The following NAALADL2 variants were observed in gnomAD, a reference collection of about 807,000 sequenced individuals.
NAALADL2 encodes the protein inactive N-acetylated-alpha-linked acidic dipeptidase-like protein 2.
In NAALADL2, 76 loss-of-function variants were observed where a neutral mutation model predicts 87.2. The observed-to-expected ratio is 0.87, with a 90% CI of 0.72 to 1.05. The LOEUF (loss-of-function observed/expected upper bound fraction) is 1.05. Ranked by LOEUF, NAALADL2 falls within the 50% of genes least tolerant of loss-of-function variation. The pLI is 0.00. For synonymous variants in NAALADL2, 354 were observed against 331.0 expected, an observed-to-expected ratio of 1.07 and a Z score of -0.75; for missense variants, 1,089 against 945.8, an observed-to-expected ratio of 1.15 and a Z score of -1.99.
intron 9 of NAALADL2, among the ~76,000 whole-genome samples, chr3:175,524,324 C>G (rs570772049): frequency 6.6e-6 from 1 of 152,258 alleles, no homozygotes; most frequent in South Asian, 2.1e-4. Flanking sequence ...GGTTTCTAAA[C>G]AGTGACATTA....
intron 9 of NAALADL2, among the ~76,000 whole-genome samples, chr3:175,556,653 C>G (rs1715322820): frequency 6.6e-6 from 1 of 152,110 alleles, no homozygotes; most frequent in Non-Finnish European, 1.5e-5. Context: ...AAAAAAATCT[C>G]AGGAAAGCAG....
intron 1 of NAALADL2, among the ~76,000 whole-genome samples, chr3:175,020,437 T>C (rs987837172): frequency 6.6e-6 from 1 of 152,054 alleles, no homozygotes; most frequent in African/African-American, 2.4e-5. Context: ...AAATGTATCA[T>C]TGTCTAGATT....
At chr3:175,366,790 T>G (rs1306747401) in intron 5 of NAALADL2, among the ~76,000 whole-genome samples, 2 of 151,568 alleles carry the variant, frequency 1.3e-5, no homozygotes, top group Non-Finnish European at 2.9e-5. Context: ...TTGCGAAAAT[T>G]TTCTCCCATT....
At chr3:175,204,587 G>A (rs939223874) in intron 2 of NAALADL2, among the ~76,000 whole-genome samples, 1 of 151,992 alleles carries the variant, frequency 6.6e-6, no homozygotes, top group Non-Finnish European at 1.5e-5. Context: ...AGAACTGGAC[G>A]TCCTAGCAAG....
intron 1 of NAALADL2, among the ~76,000 whole-genome samples, chr3:174,946,531 T>A (rs1378560724): frequency 2.6e-5 from 4 of 152,224 alleles, no homozygotes. Context: ...ACTTTTAAAG[T>A]CACTTAGAAC....
intron 1 of NAALADL2, among the ~76,000 whole-genome samples, chr3:174,873,121 C>G (rs1477883323): frequency 6.6e-6 from 1 of 152,028 alleles, no homozygotes; most frequent in Non-Finnish European, 1.5e-5. Context: ...AATAGTGGCT[C>G]TAGATGTAAT....
intron 2 of NAALADL2, among the ~76,000 whole-genome samples, chr3:175,162,468 A>G (rs1427207403): frequency 6.6e-6 from 1 of 152,148 alleles, no homozygotes; most frequent in African/African-American, 2.4e-5. Flanking sequence ...TGGAGGTATC[A>G]TTTGCCATGT....
At chr3:175,401,444 A>G (rs1770554149) in intron 5 of NAALADL2, among the ~76,000 whole-genome samples, 1 of 152,150 alleles carries the variant, frequency 6.6e-6, no homozygotes. Context: ...ATGTACATAC[A>G]ATCAAGTGTC....
intron 3 of NAALADL2, among the ~76,000 whole-genome samples, chr3:174,796,176 T>G (rs1718060054): frequency 6.6e-6 from 1 of 152,196 alleles, no homozygotes; most frequent in Non-Finnish European, 1.5e-5. Context: ...AGCAGACATC[T>G]GCGAGCCAAA....
At chr3:175,221,766 T>C (rs1743404496) in intron 2 of NAALADL2, among the ~76,000 whole-genome samples, 1 of 151,462 alleles carries the variant, frequency 6.6e-6, no homozygotes, top group African/African-American at 2.4e-5. Flanking sequence ...TGGTTATTTA[T>C]TTATTTATTT....
chr3:175,479,985 A>G (rs1726225690), intron 9 of NAALADL2, among the ~76,000 whole-genome samples: 1 of 151,796 alleles, frequency 6.6e-6, no homozygotes, highest in Admixed American at 6.6e-5. Flanking sequence ...TCAGGTGCTC[A>G]AACACTGCAC....
chr3:174,835,359 A>G (rs754377321), intron 3 of NAALADL2, among the ~76,000 whole-genome samples: 7 of 152,168 alleles, frequency 4.6e-5, no homozygotes, highest in Non-Finnish European at 1.0e-4. Flanking sequence ...TTAACTTGAA[A>G]TGGATCAAGG....
intron 2 of NAALADL2, among the ~76,000 whole-genome samples, chr3:174,689,494 G>C (rs1728362353): frequency 6.6e-6 from 1 of 151,412 alleles, no homozygotes; most frequent in African/African-American, 2.4e-5. Flanking sequence ...GGAATCCCTT[G>C]CCTCTTCAGA....
intron 2 of NAALADL2, among the ~76,000 whole-genome samples, chr3:174,602,880 T>C (rs987916746): frequency 2.6e-5 from 4 of 152,088 alleles, no homozygotes; most frequent in Non-Finnish European, 5.9e-5. Context: ...TCAATTGAAA[T>C]GATCATATGG....
chr3:174,592,668 G>A (rs1453703442), intron 2 of NAALADL2, among the ~76,000 whole-genome samples: 1 of 152,122 alleles, frequency 6.6e-6, no homozygotes, highest in Non-Finnish European at 1.5e-5. Flanking sequence ...CAAAGTTGTT[G>A]TCTAATTTGG....
chr3:174,898,112 CAAAA>C (rs913382744), intron 1 of NAALADL2, among the ~76,000 whole-genome samples: 16 of 14,490 alleles, frequency 1.1e-3, no homozygotes, highest in Non-Finnish European at 1.7e-3. Flanking sequence ...GACTCCGTCT[CAAAA>C]AAAAAAAAAA....
At chr3:175,259,677 T>C (rs532776044) in intron 4 of NAALADL2, among the ~76,000 whole-genome samples, 36 of 152,370 alleles carry the variant, frequency 2.4e-4, no homozygotes, top group African/African-American at 8.4e-4. Flanking sequence ...AAATGTTCTA[T>C]AATTGTTGTG....
intron 11 of NAALADL2, among the ~76,000 whole-genome samples, chr3:175,729,887 C>T (rs1055035103): frequency 4.7e-5 from 7 of 150,476 alleles, no homozygotes; most frequent in Admixed American, 1.3e-4. Flanking sequence ...GGCTCTATTG[C>T]GTTTTAAATT....
chr3:174,824,309 C>G (rs1487603405), intron 3 of NAALADL2, among the ~76,000 whole-genome samples: 1 of 152,114 alleles, frequency 6.6e-6, no homozygotes, highest in African/African-American at 2.4e-5. Context: ...AGAAGACACT[C>G]TAAGTGTATG....
Sources: allele counts gnomAD v4.1 joint callset (sites outside exome capture counted in the v4.1 genomes callset), GRCh38; gene constraint gnomAD v4.1.1; transcripts MANE v1.5; gene names NCBI Gene and HGNC (gene_info 2026-07-23, HGNC 2026-07-21).